The following LHFPL4 variants were observed in gnomAD, a reference collection of about 807,000 sequenced individuals.
LHFPL4 encodes LHFPL tetraspan subfamily member 4 protein.
In LHFPL4, 6 loss-of-function variants were observed where a neutral mutation model predicts 20.0. That is an observed-to-expected ratio of 0.30 (90% CI 0.16 to 0.59). The LOEUF (loss-of-function observed/expected upper bound fraction) is 0.59, where lower values mean the gene tolerates loss of function less well. Among genes scored for constraint, LHFPL4 ranks in the 20% least tolerant of loss-of-function variants. LHFPL4 has a pLI of 0.88. For synonymous variants in LHFPL4, 129 were observed against 143.8 expected, an observed-to-expected ratio of 0.90 and a Z score of 0.74; for missense variants, 215 against 331.2, an observed-to-expected ratio of 0.65 and a Z score of 2.72.
intron 2 of LHFPL4, among the ~76,000 whole-genome samples, chr3:9,511,000 C>G (rs992303854): frequency 6.6e-6 from 1 of 151,646 alleles, no homozygotes; most frequent in Non-Finnish European, 1.5e-5. Flanking sequence ...GAGTGCTTAA[C>G]TATGTGCCAG....
intron 2 of LHFPL4, among the ~76,000 whole-genome samples, chr3:9,511,939 T>G (rs1297916124): frequency 6.6e-6 from 1 of 151,858 alleles, no homozygotes. Context: ...CGACTGTTTT[T>G]TTTTTTTTTT....
At position 9,524,632 on chromosome 3, in the gene LHFPL4, C is replaced by T. The variant is rs139027178; in HGVS notation, c.407-18429G>A. Among the ~76,000 whole-genome samples the T allele has an allele frequency of 1.1e-4, 16 of 152,260 alleles. 1 individual carries two copies. The highest frequency in any genetic ancestry group is 2.1e-4 in the Non-Finnish European group (14 of 68,020). On this transcript the variant is annotated intron_variant, in intron 2 of 3. Transcript: ENST00000287585. ...CTTAGTATTTCCATCTCTCTGCTTA[C>T]GTTGCCCATCTGTTCTTGCATGCTA... is the stretch of plus-strand genomic sequence containing the variant.
At chr3:9,544,555 G>T (rs1230029346) in intron 2 of LHFPL4, among the ~76,000 whole-genome samples, 1 of 152,156 alleles carries the variant, frequency 6.6e-6, no homozygotes, top group Admixed American at 6.5e-5. Context: ...AACCCGGGAG[G>T]CAGAGGTTGC....
At chr3:9,535,529 A>G (rs1054371517) in intron 2 of LHFPL4, among the ~76,000 whole-genome samples, 2 of 146,194 alleles carry the variant, frequency 1.4e-5, no homozygotes, top group African/African-American at 4.9e-5. Context: ...ATTCTGCTCA[A>G]AATATATTCT....
At chr3:9,537,903 G>C (rs2046453248) in intron 2 of LHFPL4, among the ~76,000 whole-genome samples, 1 of 151,994 alleles carries the variant, frequency 6.6e-6, no homozygotes, top group African/African-American at 2.4e-5. Context: ...CCAGACCTCA[G>C]TAACACTCAT....
intron 2 of LHFPL4, among the ~76,000 whole-genome samples, chr3:9,517,806 T>TG (rs200359009): frequency 0.04 from 5,698 of 143,304 alleles, 164 homozygotes; most frequent in Non-Finnish European, 0.062. Context: ...TTTTTGTTTT[T>TG]TGTTTTTTTT....
intron 2 of LHFPL4, among the ~76,000 whole-genome samples, chr3:9,531,801 GAAAGA>G (rs58150564): frequency 0.19 from 28,587 of 148,224 alleles, 3,355 homozygotes; most frequent in East Asian, 0.41. Context: ...CTCCATCTCA[GAAAGA>G]AAAGAAAAGA....
In LHFPL4 at chr3:9,506,266, G is replaced by C. The variant is rs2625890; in HGVS notation, c.407-63C>G. The stretch of plus-strand genomic sequence containing the variant: ...GAAGGAAGAGAAAAGACCATTACTC[G>C]CTAGTGTCCGCAGTCTGGGCCCCAC... On this transcript the variant is annotated intron_variant, in intron 2 of 3. Coordinates refer to ENST00000287585, the MANE Select transcript of LHFPL4 (RefSeq NM_198560.3). This position sits in a 1 kb window ranked among gnomAD's most constrained non-coding sequence, Gnocchi z 4.5. The C allele has an allele frequency of 0.63, 833,243 of 1,326,892 alleles. 264,896 individuals carry two copies. Among genetic ancestry groups the C allele is most frequent in the East Asian group, 0.92 (39,959 of 43,334 alleles). The allele number at this position is 1,326,892 out of a possible 1,614,324, so 82.2% of individuals were successfully genotyped here.
At position 9,552,278 on chromosome 3, in the gene LHFPL4, C is replaced by T. The variant is rs1260462758; in HGVS notation, c.402G>A (p.Leu134=). 1 of 1,596,872 alleles carries T rather than the reference C, an allele frequency of 6.3e-7. No individual in the cohort carries two copies. Among genetic ancestry groups the T allele is most frequent in the East Asian group, 2.3e-5 (1 of 44,434 alleles). The change falls in exon 2 of 4, where the codon TTG becomes TTA. Residue 134 remains leucine (L), a synonymous_variant. Transcript: ENST00000287585. ...VYKICAWMQL[L]AALCLVLGCM... The stretch of plus-strand genomic sequence containing the variant: ...TCCGTCCACCCCCTCCCCTACCTGC[C>T]AAGAGCTGCATCCAGGCGCAGATCT...
intron 3 of LHFPL4, 151 bp downstream of exon 3, chr3:9,505,816 C>T: frequency 2.7e-6 from 2 of 748,112 alleles, no homozygotes; most frequent in Admixed American, 2.2e-5. Flanking sequence ...GCCTTGGCTT[C>T]CCAAAGTGCT....
At chr3:9,548,064 C>T (rs1463882668) in intron 2 of LHFPL4, among the ~76,000 whole-genome samples, 5 of 152,138 alleles carry the variant, frequency 3.3e-5, no homozygotes, top group African/African-American at 1.2e-4. Flanking sequence ...CTTCAGCCTC[C>T]CAAAGTGCTG....
chr3:9,543,416 G>T (rs779140889), intron 2 of LHFPL4, among the ~76,000 whole-genome samples: 1 of 151,682 alleles, frequency 6.6e-6, no homozygotes, highest in South Asian at 2.1e-4. Context: ...AAGGAGAATC[G>T]CAGAACCCAG....
rs778518537 is a variant in LHFPL4 at position 9,552,311 on chromosome 3, C to A, written c.369G>T (p.Thr123=). 7 of 1,613,062 alleles carry A rather than the reference C, an allele frequency of 4.3e-6. No homozygotes were observed. The Admixed American group carries it at 1.2e-4, about 27-fold the overall frequency. ...GCATCCAGGCGCAGATCTTGTAGAC[C>A]GTAGCCGTGTTGCAGAAGAAGAAAA... is the stretch of plus-strand genomic sequence containing the variant. The part of the protein sequence containing the change: ...FSLFFFCNTA[T]VYKICAWMQL... The change falls in exon 2 of 4, where the codon ACG becomes ACT. Residue 123 remains threonine (T), a synonymous_variant. Transcript: ENST00000287585.
intron 2 of LHFPL4, among the ~76,000 whole-genome samples, chr3:9,544,323 C>T (rs1214118030): frequency 6.6e-6 from 1 of 151,670 alleles, no homozygotes; most frequent in African/African-American, 2.4e-5. Flanking sequence ...CAATGAACTG[C>T]TGTCTACAAG....
intron 2 of LHFPL4, among the ~76,000 whole-genome samples, chr3:9,532,697 C>T (rs948484901): frequency 7.9e-5 from 12 of 152,174 alleles, no homozygotes; most frequent in Non-Finnish European, 1.3e-4. Context: ...TTTAGGGAGG[C>T]CTTTTTTGTG....
At position 9,543,007 on chromosome 3, in the gene LHFPL4, T is replaced by C. The variant is rs1574854586; in HGVS notation, c.406+9267A>G. Among the ~76,000 whole-genome samples the C allele has an allele frequency of 2.0e-5, 3 of 152,088 alleles. No individual in the cohort carries two copies. The East Asian group carries it at 5.8e-4, about 29-fold the overall frequency. ...ATGAAAAATATCCTAAAACTGGTTG[T>C]GGTCATGGTTGCATAACTCCATGAA... On this transcript the variant is annotated intron_variant, in intron 2 of 3. Transcript: ENST00000287585.
intron 2 of LHFPL4, among the ~76,000 whole-genome samples, chr3:9,539,424 C>T (rs1483907699): frequency 6.8e-6 from 1 of 146,112 alleles, no homozygotes; most frequent in African/African-American, 2.6e-5. Context: ...CACTGCACCC[C>T]AGCCTGGGCA....
chr3:9,515,400 G>T (rs1042337448), intron 2 of LHFPL4, among the ~76,000 whole-genome samples: 1 of 152,144 alleles, frequency 6.6e-6, no homozygotes, highest in Non-Finnish European at 1.5e-5. Context: ...TTGAGACGGA[G>T]TCTCGCTCTG....
intron 3 of LHFPL4, among the ~76,000 whole-genome samples, chr3:9,502,751 G>A (rs1202872747): frequency 2.6e-5 from 4 of 151,024 alleles, no homozygotes; most frequent in Non-Finnish European, 5.9e-5. Context: ...CTGCACAAGC[G>A]CTGAAATCCT....
Sources: gnomAD v4.1 joint callset for allele counts (sites outside exome capture counted in the v4.1 genomes callset) on GRCh38, gnomAD v4.1.1 for gene constraint, Gnocchi (gnomAD v3.1) non-coding constraint, MANE v1.5 for transcripts, NCBI Gene and HGNC (gene_info 2026-07-23, HGNC 2026-07-21) for gene names.